LMF1: variants seen among roughly 807,000 people sequenced by gnomAD.
The protein encoded by LMF1 is lipase maturation factor 1.
LMF1 carries 68 observed loss-of-function variants against 60.6 expected under a neutral mutation model. That is an observed-to-expected ratio of 1.12 (90% confidence interval 0.92 to 1.37). The LOEUF is 1.37. Ranked by LOEUF, LMF1 falls within the 40% of genes most tolerant of loss-of-function variation. The probability of loss-of-function intolerance (pLI) is 0.00; values close to 1 mark genes in which losing one functional copy is unlikely to be tolerated. For synonymous variants in LMF1, 418 were observed against 324.7 expected (o/e 1.29, Z -3.09); for missense variants, 948 against 767.2 (o/e 1.24, Z -2.78).
At chr16:899,375 A>G (rs1019686238) in intron 4 of LMF1, 16 of 152,318 alleles carry the variant, frequency 1.1e-4, no homozygotes, top group African/African-American at 3.9e-4. Flanking sequence ...CGGGTGGAGC[A>G]TGTCGCCCTG....
chr16:857,441 G>A (rs540452290), intron 10 of LMF1, among the ~76,000 whole-genome samples: 4 of 148,936 alleles, frequency 2.7e-5, no homozygotes, highest in African/African-American at 7.5e-5. Flanking sequence ...GTGGTGTCAC[G>A]GGACGGGTGT....
At chr16:958,132 A>G (rs187159972) in intron 1 of LMF1, among the ~76,000 whole-genome samples, 8 of 152,374 alleles carry the variant, frequency 5.3e-5, no homozygotes, top group Admixed American at 3.9e-4. Flanking sequence ...ACATAAAAGC[A>G]TAAGACTTCC....
upstream of LMF1, among the ~76,000 whole-genome samples, chr16:971,382 C>T (rs774482117): frequency 6.6e-6 from 1 of 152,254 alleles, no homozygotes; most frequent in Non-Finnish European, 1.5e-5. Context: ...TGCACAGGCC[C>T]TGGCGGTGCT....
In LMF1 at chr16:854,148, G is replaced by T. The variant is rs1567125576; in HGVS notation, c.*384C>A. 4.2e-6 allele frequency: 2 copies of T among 478,618 alleles called. No homozygotes were observed. Among genetic ancestry groups the T allele is most frequent in the Non-Finnish European group, 8.2e-6 (2 of 243,612 alleles). 29.6% of individuals were successfully genotyped at this position (478,618 alleles called of 1,614,324 possible). A position where few individuals can be genotyped will look rare whatever the true frequency, so the allele number is the denominator to read the frequency against. On this transcript the variant is annotated 3_prime_UTR_variant, in exon 11 of 11. Coordinates refer to ENST00000262301, the MANE Select transcript of LMF1 (RefSeq NM_022773.4). The stretch of plus-strand genomic sequence containing the variant: ...ACAGAAACCAGGCCCTGGGACGCTA[G>T]AGACCCCAAGAGCTACCTGGCTGGG...
chr16:980,147 G>A (rs3826237), intron 1 of LMF1: 36,988 of 223,624 alleles, frequency 0.17, 3,618 homozygotes, highest in East Asian at 0.29. Flanking sequence ...AGATGAGACC[G>A]CCCTCCGGGC....
chr16:927,004 A>T (rs571632257), intron 3 of LMF1, among the ~76,000 whole-genome samples: 103 of 152,118 alleles, frequency 6.8e-4, no homozygotes, highest in Non-Finnish European at 1.2e-3. Flanking sequence ...ACACCCCGAG[A>T]CCCCAGTGGA....
intron 8 of LMF1, among the ~76,000 whole-genome samples, 191 bp from the exon 9 acceptor site, chr16:870,257 C>T (rs943683636): frequency 1.3e-5 from 2 of 152,204 alleles, no homozygotes; most frequent in African/African-American, 4.8e-5. Flanking sequence ...ACTGTGGCCC[C>T]AGGGTCTCAT....
chr16:916,795 C>T (rs1318476130), intron 3 of LMF1, among the ~76,000 whole-genome samples: 1 of 152,256 alleles, frequency 6.6e-6, no homozygotes, highest in African/African-American at 2.4e-5. Context: ...CTTGGGATGC[C>T]TCGTTGGCTC....
chr16:978,179 C>T (rs12446180), intron 1 of LMF1, among the ~76,000 whole-genome samples: 77,356 of 147,254 alleles, frequency 0.53, 22,095 homozygotes, highest in African/African-American at 0.76. Context: ...ACACCATACA[C>T]GCACCCCACA....
At chr16:944,277 C>G (rs556754370) in intron 2 of LMF1, among the ~76,000 whole-genome samples, 1 of 150,378 alleles carries the variant, frequency 6.6e-6, no homozygotes, top group Non-Finnish European at 1.5e-5. Context: ...AGACTCTACC[C>G]GCCACTTTCC....
chr16:868,622 AG>A (rs2069678312), intron 10 of LMF1, among the ~76,000 whole-genome samples: 1 of 152,102 alleles, frequency 6.6e-6, no homozygotes, highest in African/African-American at 2.4e-5. Flanking sequence ...CCAGGAGCAG[AG>A]GTGGCACCTA....
Position 953,881 on chromosome 16 carries a change from CAA to C in LMF1, c.503+474_503+475del, listed in dbSNP as rs1302685115. ...CTCCTACACGTCCACACAGACACCC[CAA>C]ACCAGCCTCCTACACGTCCACACAG... On this transcript the variant is annotated intron_variant, in intron 2 of 10. Coordinates refer to ENST00000262301, the MANE Select transcript of LMF1 (RefSeq NM_022773.4). 1.9e-4 allele frequency among the ~76,000 whole-genome samples: 8 copies of C among 42,098 alleles called. 2 individuals carry two copies. The East Asian group carries it at 9.0e-3, about 47-fold the overall frequency. 27.6% of individuals were successfully genotyped at this position (42,098 alleles called of 152,430 possible).
intron 3 of LMF1, among the ~76,000 whole-genome samples, chr16:920,386 G>A (rs1025682144): frequency 6.6e-6 from 1 of 152,264 alleles, no homozygotes; most frequent in Non-Finnish European, 1.5e-5. Context: ...CAGGCGGGCT[G>A]GAGAGCTGAG....
chr16:946,600 G>A (rs765731300), intron 2 of LMF1, among the ~76,000 whole-genome samples: 11 of 152,246 alleles, frequency 7.2e-5, no homozygotes, highest in Admixed American at 1.3e-4. Flanking sequence ...AGAGCAGACT[G>A]GAAAGGTGAG....
At chr16:949,255 C>CCAACGACAGAGTCAGAGA (rs2072361821) in intron 2 of LMF1, among the ~76,000 whole-genome samples, 1 of 142,886 alleles carries the variant, frequency 7.0e-6, no homozygotes, top group Non-Finnish European at 1.5e-5. Flanking sequence ...ACAGAGTCAG[C>CCAACGACAGAGTCAGAGA]CAACGACAGA....
At chr16:979,671 G>T (rs938134062) in intron 1 of LMF1, 2 of 454,006 alleles carry the variant, frequency 4.4e-6, no homozygotes. Context: ...CCTGCTCGCA[G>T]ACCTAATGCA....
intron 5 of LMF1, among the ~76,000 whole-genome samples, chr16:891,421 G>C (rs113910757): frequency 1.3e-5 from 2 of 152,220 alleles, no homozygotes; most frequent in African/African-American, 4.8e-5. Flanking sequence ...CATGGTGGGC[G>C]CCTCAGCATC....
At chr16:977,429 G>A (rs572003416) in intron 1 of LMF1, among the ~76,000 whole-genome samples, 13 of 152,270 alleles carry the variant, frequency 8.5e-5, no homozygotes, top group Admixed American at 7.8e-4. Flanking sequence ...AGCCTGCGCC[G>A]GCCCAGCCTG....
chr16:875,524 T>C (rs775823766), intron 6 of LMF1, among the ~76,000 whole-genome samples: 18 of 152,110 alleles, frequency 1.2e-4, no homozygotes, highest in Non-Finnish European at 2.5e-4. Flanking sequence ...ACTCAGCACC[T>C]TGCTTTTCAT....
Sources: gnomAD v4.1 joint callset for allele counts (sites outside exome capture counted in the v4.1 genomes callset) on GRCh38, gnomAD v4.1.1 for gene constraint, MANE v1.5 for transcripts, NCBI Gene and HGNC (gene_info 2026-07-23, HGNC 2026-07-21) for gene names.